Variants in OR2L13 observed in about 807,000 individuals in gnomAD.
OR2L13 encodes the protein olfactory receptor 2L13.
OR2L13 carries 14 observed loss-of-function variants against 15.3 expected under a neutral mutation model. The observed-to-expected ratio is 0.91, with a 90% CI of 0.60 to 1.43. The LOEUF (loss-of-function observed/expected upper bound fraction) is 1.43, where lower values mean the gene tolerates loss of function less well. OR2L13 is among the 40% of genes most tolerant of loss of function. The pLI is 0.00. For missense variants in OR2L13, 367 were observed against 387.9 expected (o/e 0.95, Z 0.45); for synonymous variants, 152 against 142.9 (o/e 1.06, Z -0.45).
chr1:247,974,426 A>G, the OR2L13 span, among the ~76,000 whole-genome samples: 1 of 149,754 alleles, frequency 6.7e-6, no homozygotes, highest in Non-Finnish European at 1.5e-5. Context: ...AACTTAAAGT[A>G]TATTAAAAAA....
chr1:248,022,479 T>A, the OR2L13 span: 2 of 1,614,226 alleles, frequency 1.2e-6, no homozygotes, highest in Non-Finnish European at 1.7e-6. Flanking sequence ...TCATTTTTTC[T>A]GTGATGTTCC....
the OR2L13 span, among the ~76,000 whole-genome samples, chr1:247,963,877 T>C: frequency 1.3e-5 from 2 of 152,138 alleles, no homozygotes; most frequent in African/African-American, 2.4e-5. Flanking sequence ...GTTGTTATGG[T>C]AAAATTTAAA....
At chr1:248,007,116 A>G in the OR2L13 span, among the ~76,000 whole-genome samples, 1 of 152,188 alleles carries the variant, frequency 6.6e-6, no homozygotes, top group Non-Finnish European at 1.5e-5. Flanking sequence ...ACTTAGCTCT[A>G]TGATTTTCTG....
chr1:248,061,974 T>G, the OR2L13 span: 2 of 173,700 alleles, frequency 1.2e-5, no homozygotes, highest in Non-Finnish European at 2.4e-5. Flanking sequence ...TTCCAGTAAT[T>G]TTAAATTTAC....
chr1:248,028,058 A>G, the OR2L13 span, among the ~76,000 whole-genome samples: 2 of 146,446 alleles, frequency 1.4e-5, no homozygotes, highest in African/African-American at 5.1e-5. Flanking sequence ...GGAGAATGGC[A>G]TGAACCCAGG....
At chr1:248,075,257 T>G in the OR2L13 span, among the ~76,000 whole-genome samples, 77 of 152,368 alleles carry the variant, frequency 5.1e-4, no homozygotes, top group Non-Finnish European at 1.6e-4. Context: ...CACATTTTCT[T>G]AATGCAGTCT....
At chr1:248,033,282 C>T in the OR2L13 span, among the ~76,000 whole-genome samples, 2 of 152,082 alleles carry the variant, frequency 1.3e-5, no homozygotes, top group Non-Finnish European at 1.5e-5. Context: ...CATCCAATTT[C>T]AATATTTTGA....
the OR2L13 span, chr1:248,060,993 G>A: frequency 2.3e-5 from 37 of 1,613,800 alleles, no homozygotes; most frequent in Middle Eastern, 6.6e-4. Context: ...TCTTCTTCTC[G>A]GCATTAGGAG....
the OR2L13 span, among the ~76,000 whole-genome samples, chr1:248,002,286 T>C: frequency 5.9e-5 from 9 of 151,902 alleles, no homozygotes; most frequent in East Asian, 7.7e-4. Flanking sequence ...AAACACCAGT[T>C]TAACCTTTTT....
At chr1:248,100,868 A>G (rs1212158901) in exon 3 of OR2L13, 1 of 166,842 alleles carries the variant, frequency 6.0e-6, no homozygotes, top group Non-Finnish European at 1.5e-5. Context: ...TTTTTGTTAT[A>G]TACAATATTG....
At chr1:248,066,241 A>G in the OR2L13 span, among the ~76,000 whole-genome samples, 1 of 152,226 alleles carries the variant, frequency 6.6e-6, no homozygotes, top group Non-Finnish European at 1.5e-5. Flanking sequence ...ATGTACATGT[A>G]AAATGAATAA....
the OR2L13 span, chr1:248,083,637 C>T: frequency 6.9e-7 from 1 of 1,445,064 alleles, no homozygotes; most frequent in Non-Finnish European, 9.7e-7. Context: ...ACTAGATCAT[C>T]TTGACCTGTG....
the OR2L13 span, among the ~76,000 whole-genome samples, chr1:248,056,844 T>A: frequency 6.6e-6 from 1 of 151,984 alleles, no homozygotes; most frequent in Non-Finnish European, 1.5e-5. Flanking sequence ...GACACAGGGT[T>A]TCACTGTGTT....
At chr1:248,077,935 A>T in the OR2L13 span, among the ~76,000 whole-genome samples, 243 of 152,312 alleles carry the variant, frequency 1.6e-3, 1 homozygote, top group Middle Eastern at 0.038. Context: ...TAGAATGTAT[A>T]AAAAAACACA....
the OR2L13 span, among the ~76,000 whole-genome samples, chr1:248,035,871 T>A: frequency 6.6e-6 from 1 of 152,130 alleles, no homozygotes; most frequent in African/African-American, 2.4e-5. Flanking sequence ...GACAGCATCA[T>A]CTCCTCTTAT....
At chr1:248,045,301 C>T in the OR2L13 span, among the ~76,000 whole-genome samples, 1 of 152,126 alleles carries the variant, frequency 6.6e-6, no homozygotes, top group Non-Finnish European at 1.5e-5. Flanking sequence ...CTACTCTATG[C>T]TTGGTTTTGT....
chr1:248,070,848 C>G, the OR2L13 span, among the ~76,000 whole-genome samples: 2 of 152,134 alleles, frequency 1.3e-5, no homozygotes, highest in East Asian at 3.9e-4. Flanking sequence ...CTGCAAACAC[C>G]TCCACGCAAA....
chr1:248,005,648 A>G, the OR2L13 span, among the ~76,000 whole-genome samples: 2 of 152,142 alleles, frequency 1.3e-5, no homozygotes, highest in Non-Finnish European at 2.9e-5. Context: ...AATAATATTA[A>G]TTATTCAATC....
At chr1:247,977,364 A>G in the OR2L13 span, among the ~76,000 whole-genome samples, 1 of 152,120 alleles carries the variant, frequency 6.6e-6, no homozygotes, top group South Asian at 2.1e-4. Context: ...TCTATATTAA[A>G]TCTCTTGATT....
Sources: allele counts gnomAD v4.1 joint callset (sites outside exome capture counted in the v4.1 genomes callset), GRCh38; gene constraint gnomAD v4.1.1; transcripts MANE v1.5; gene names NCBI Gene and HGNC (gene_info 2026-07-23, HGNC 2026-07-21).